Variants in CATSPERH observed in about 807,000 individuals in gnomAD.
CATSPERH encodes the protein cation channel sperm-associated auxiliary subunit eta.
chr11:65,088,446 C>T, the CATSPERH span: 38 of 1,536,060 alleles, frequency 2.5e-5, no homozygotes, highest in Non-Finnish European at 3.1e-5. Context: ...TGTTCCGACT[C>T]CCCAGGCCTC....
the CATSPERH span, chr11:65,088,379 AAAC>A: frequency 5.6e-6 from 8 of 1,441,220 alleles, no homozygotes; most frequent in South Asian, 3.6e-5. Context: ...AGGTGGAAAT[AAAC>A]AACAACTTTA....
At chr11:65,088,789 A>C in the CATSPERH span, 1 of 1,534,822 alleles carries the variant, frequency 6.5e-7, no homozygotes, top group African/African-American at 1.4e-5. Flanking sequence ...CCCCTCGCAC[A>C]ACAGTGGGGT....
the CATSPERH span, chr11:65,088,751 C>A: frequency 6.5e-7 from 1 of 1,536,186 alleles, no homozygotes. Context: ...CCTGGGAGAA[C>A]TGTAGGCCCA....
the CATSPERH span, chr11:65,088,542 G>A: frequency 6.5e-7 from 1 of 1,531,662 alleles, no homozygotes; most frequent in Non-Finnish European, 8.7e-7. Context: ...CTGGGCGGGG[G>A]ACAGAGCCCC....
the CATSPERH span, chr11:65,088,735 T>G: frequency 6.5e-7 from 1 of 1,536,196 alleles, no homozygotes; most frequent in African/African-American, 1.4e-5. Context: ...CAGCAGATGC[T>G]GATCACCTGG....
chr11:65,088,479 G>T, the CATSPERH span: 1 of 1,536,054 alleles, frequency 6.5e-7, no homozygotes, highest in African/African-American at 1.4e-5. Flanking sequence ...CCCGGTACTC[G>T]ATGGCCAGAA....
At chr11:65,088,555 A>C in the CATSPERH span, 5 of 1,526,372 alleles carry the variant, frequency 3.3e-6, no homozygotes, top group Non-Finnish European at 4.4e-6. Context: ...AGAGCCCCCC[A>C]TGAGCCCCAG....
chr11:65,088,814 C>T, the CATSPERH span: 17 of 1,535,260 alleles, frequency 1.1e-5, no homozygotes, highest in South Asian at 3.6e-5. Flanking sequence ...ATCAGCCCCT[C>T]GGGTCTCCCA....
the CATSPERH span, chr11:65,089,016 G>A: frequency 2.4e-5 from 37 of 1,535,702 alleles, no homozygotes; most frequent in Middle Eastern, 1.7e-4. Flanking sequence ...GTGGCGATGC[G>A]GTCTTGCAGC....
chr11:65,088,720 C>G, the CATSPERH span: 1 of 1,536,232 alleles, frequency 6.5e-7, no homozygotes, highest in Non-Finnish European at 8.7e-7. Context: ...GACCCCATGG[C>G]AGCCCAGCAG....
chr11:65,088,820 T>A, the CATSPERH span: 1 of 1,535,344 alleles, frequency 6.5e-7, no homozygotes, highest in Middle Eastern at 1.7e-4. Flanking sequence ...CCCTCGGGTC[T>A]CCCACAGCCA....
the CATSPERH span, chr11:65,088,845 G>C: frequency 3.3e-6 from 5 of 1,535,814 alleles, no homozygotes; most frequent in Non-Finnish European, 4.4e-6. Flanking sequence ...TTGCGTCCCT[G>C]CCCTGAGCCT....
the CATSPERH span, chr11:65,088,767 T>G: frequency 6.5e-7 from 1 of 1,535,692 alleles, no homozygotes. Flanking sequence ...GCCCATCCAG[T>G]GGGAGAGTGG....
At chr11:65,088,403 C>T in the CATSPERH span, 39 of 1,507,128 alleles carry the variant, frequency 2.6e-5, no homozygotes, top group Admixed American at 5.9e-4. Context: ...TTAAAACACC[C>T]GAGGCAGCCT....
chr11:65,088,573 C>G, the CATSPERH span: 1 of 1,521,812 alleles, frequency 6.6e-7, no homozygotes. Context: ...CAGTACCCTT[C>G]CCTGGCTACT....
chr11:65,088,538 G>C, the CATSPERH span: 62 of 1,532,026 alleles, frequency 4.0e-5, no homozygotes, highest in Middle Eastern at 3.3e-4. Flanking sequence ...AGCACTGGGC[G>C]GGGGACAGAG....
At chr11:65,088,430 T>C in the CATSPERH span, 57 of 1,535,402 alleles carry the variant, frequency 3.7e-5, no homozygotes, top group Non-Finnish European at 4.9e-5. Flanking sequence ...TCCCCCTCCT[T>C]AGCCCTGTTC....
chr11:65,089,041 A>G, the CATSPERH span: 21 of 1,534,670 alleles, frequency 1.4e-5, no homozygotes, highest in East Asian at 2.4e-5. Flanking sequence ...TCTTGCCCGC[A>G]GTGTAGATGC....
At chr11:65,089,067 G>A in the CATSPERH span, 11 of 1,507,696 alleles carry the variant, frequency 7.3e-6, no homozygotes, top group African/African-American at 1.4e-4. Context: ...AGACTTGAGA[G>A]CTGGAGCAAG....
Sources: allele counts gnomAD v4.1 joint callset, GRCh38; gene constraint gnomAD v4.1.1; transcripts MANE v1.5; gene names NCBI Gene and HGNC (gene_info 2026-07-23, HGNC 2026-07-21).